Variants in MYBPC1 observed in about 807,000 individuals in gnomAD.
MYBPC1 encodes myosin binding protein C1.
MYBPC1 carries 52 observed loss-of-function variants against 147.1 expected under a neutral mutation model. That is an observed-to-expected ratio of 0.35 (90% CI 0.28 to 0.45). The LOEUF is 0.45. Ranked by LOEUF, MYBPC1 falls within the 20% of genes least tolerant of loss-of-function variation. MYBPC1 has a pLI of 1.00. For missense variants in MYBPC1, 1,228 were observed against 1,440.3 expected, an observed-to-expected ratio of 0.85 and a Z score of 2.39; for synonymous variants, 477 against 475.9, an observed-to-expected ratio of 1.00 and a Z score of -0.03.
At position 101,614,498 on chromosome 12, in the gene MYBPC1, A is replaced by G. The variant is rs547336995; in HGVS notation, c.28A>G (p.Asn10Asp). The G allele has an allele frequency of 6.2e-7, 1 of 1,613,854 alleles. No homozygotes were observed. Among genetic ancestry groups the G allele is most frequent in the Non-Finnish European group, 8.5e-7 (1 of 1,179,948 alleles). ...TCCATGACTCTTTCCATTTCTAGAA[A>G]ATGAAGTGCCAGCCCCAGCCCCACC... MPEPTKKEE[N>D]EVPAPAPPPE... The change falls in exon 2 of 32, where the codon AAT becomes GAT. Residue 10 changes from asparagine (N) to aspartate (D), a missense_variant and splice_region_variant. Around this residue, in one of 2 missense-constraint regions of MYBPC1, gnomAD observed 151 missense variants for 126.1 expected, o/e 1.20. Coordinates refer to ENST00000361466, the MANE Select transcript of MYBPC1 (RefSeq NM_002465.4).
chr12:101,657,939 G>T (rs573583253), intron 18 of MYBPC1, among the ~76,000 whole-genome samples: 1 of 151,938 alleles, frequency 6.6e-6, no homozygotes, highest in African/African-American at 2.4e-5. Context: ...GACCATCCTG[G>T]CTAATACGGT....
intron 1 of MYBPC1, among the ~76,000 whole-genome samples, chr12:101,607,660 T>C (rs765987669): frequency 6.6e-6 from 1 of 152,218 alleles, no homozygotes; most frequent in Non-Finnish European, 1.5e-5. Flanking sequence ...TCATATGATA[T>C]AATTTTGCTC....
intron 10 of MYBPC1, chr12:101,636,967 AT>A (rs952333274): frequency 2.8e-3 from 720 of 261,520 alleles, no homozygotes; most frequent in East Asian, 3.6e-3. Flanking sequence ...CTCTTCACCT[AT>A]TTTTTTTTAA....
chr12:101,649,343 T>G lies in MYBPC1; in HGVS notation c.1280T>G (p.Ile427Arg). 1 of 1,613,954 alleles carries G rather than the reference T, an allele frequency of 6.2e-7. No individual in the cohort carries two copies. The highest frequency in any genetic ancestry group is 8.5e-7 in the Non-Finnish European group (1 of 1,179,868). The change falls in exon 15 of 32, where the codon ATA becomes AGA. Residue 427 changes from isoleucine to arginine, a missense_variant. Transcript: ENST00000361466. ...GAGGGTAAAAAACACATCTTGATCA[T>G]AGAGGGAGCAACAAAGGCTGATGCT... is the stretch of plus-strand genomic sequence containing the variant. ...RVEGKKHILI[I>R]EGATKADAAE...
intron 12 of MYBPC1, among the ~76,000 whole-genome samples, chr12:101,645,766 T>C (rs1252570160): frequency 1.3e-5 from 2 of 152,260 alleles, no homozygotes; most frequent in Admixed American, 6.5e-5. Flanking sequence ...AATCCCATCA[T>C]GTGCTCCTCC....
chr12:101,659,914 T>A, intron 19 of MYBPC1, 83 bp downstream of exon 19: 1 of 1,495,078 alleles, frequency 6.7e-7, no homozygotes, highest in South Asian at 1.2e-5. Context: ...TGTCCTTTCC[T>A]TCCATTTCCT....
intron 3 of MYBPC1, among the ~76,000 whole-genome samples, chr12:101,620,839 C>T (rs980303092): frequency 6.6e-6 from 1 of 152,128 alleles, no homozygotes; most frequent in Admixed American, 6.6e-5. Flanking sequence ...GGTAAAGTTA[C>T]TTCCTTTTTT....
intron 19 of MYBPC1, chr12:101,660,254 T>C (rs1181539240): frequency 3.7e-6 from 1 of 270,024 alleles, no homozygotes; most frequent in Non-Finnish European, 7.2e-6. Context: ...TCTCCTTAAA[T>C]GACATATTTC....
intron 3 of MYBPC1, among the ~76,000 whole-genome samples, chr12:101,623,913 G>A (rs770987330): frequency 6.6e-6 from 1 of 151,828 alleles, no homozygotes; most frequent in Non-Finnish European, 1.5e-5. Flanking sequence ...TACCTATACC[G>A]GGCAAATGCA....
In MYBPC1 at chr12:101,678,189, T is replaced by C; in HGVS notation, c.3197T>C (p.Ile1066Thr). The stretch of plus-strand genomic sequence containing the variant: ...CAGCCTTTGGTTAACACCTATGCCA[T>C]AGCTGGTTACAATGCCACCCTAAAC... ...FTQPLVNTYA[I>T]AGYNATLNCS... The change falls in exon 28 of 32, where the codon ATA becomes ACA. Residue 1066 changes from isoleucine to threonine, a missense_variant. Transcript: ENST00000361466. 6.2e-7 allele frequency: 1 copy of C among 1,614,168 alleles called. No homozygotes were observed. The highest frequency in any genetic ancestry group is 1.1e-5 in the South Asian group (1 of 91,086).
intron 3 of MYBPC1, among the ~76,000 whole-genome samples, chr12:101,624,446 C>T (rs1339573790): frequency 1.3e-5 from 2 of 152,108 alleles, no homozygotes; most frequent in East Asian, 3.9e-4. Flanking sequence ...CTTGTACAGT[C>T]ATATACATTT....
the MYBPC1 span, among the ~76,000 whole-genome samples, chr12:101,691,499 G>A: frequency 1.4e-3 from 209 of 152,322 alleles, no homozygotes; most frequent in African/African-American, 3.7e-3. Context: ...TTAATATTTT[G>A]TGGAAGGTTG....
intron 18 of MYBPC1, among the ~76,000 whole-genome samples, chr12:101,654,760 T>C (rs1393528253): frequency 1.3e-5 from 2 of 152,122 alleles, no homozygotes; most frequent in Non-Finnish European, 2.9e-5. Context: ...TAGTGCCTGT[T>C]CCCCCTAGCT....
intron 24 of MYBPC1, among the ~76,000 whole-genome samples, chr12:101,671,023 C>T (rs1898551871): frequency 6.6e-6 from 1 of 150,596 alleles, no homozygotes. Flanking sequence ...CCCTTACTCT[C>T]CAACTCCCTA....
Position 101,670,706 on chromosome 12 carries a change from G to A in MYBPC1, c.2613+297G>A, listed in dbSNP as rs181280188. On this transcript the variant is annotated intron_variant, in intron 24 of 31. Transcript: ENST00000361466. ...AAGAAACATCAAGGAGATACCAAAT[G>A]AAGAAATGCTTGAAGACTCTTTTGG... Among the ~76,000 whole-genome samples, 33 of 152,280 alleles carry A rather than the reference G, an allele frequency of 2.2e-4. No homozygotes were observed. The East Asian group carries it at 3.9e-3, about 18-fold the overall frequency.
chr12:101,646,306 G>A (rs951082140), intron 12 of MYBPC1, among the ~76,000 whole-genome samples: 1 of 145,760 alleles, frequency 6.9e-6, no homozygotes, highest in African/African-American at 2.5e-5. Flanking sequence ...TTTTTTTTTT[G>A]GTTTGACGTT....
chr12:101,666,570 G>T, intron 22 of MYBPC1: 2 of 636,322 alleles, frequency 3.1e-6, no homozygotes, highest in Non-Finnish European at 5.7e-6. Flanking sequence ...AGCAGGCTGT[G>T]CTCTCCTGAG....
At chr12:101,612,154 C>A (rs544059845) in intron 1 of MYBPC1, among the ~76,000 whole-genome samples, 1 of 151,832 alleles carries the variant, frequency 6.6e-6, no homozygotes, top group African/African-American at 2.4e-5. Context: ...ATAAAGATTG[C>A]CAAATGATAG....
intron 28 of MYBPC1, among the ~76,000 whole-genome samples, chr12:101,679,110 C>T (rs546597274): frequency 6.7e-6 from 1 of 148,386 alleles, no homozygotes; most frequent in African/African-American, 2.5e-5. Context: ...GATAGCACCA[C>T]TGCACTCTAG....
Sources: allele counts gnomAD v4.1 joint callset (sites outside exome capture counted in the v4.1 genomes callset), GRCh38; gene constraint gnomAD v4.1.1; regional missense constraint gnomAD v4.1.1; transcripts MANE v1.5; gene names NCBI Gene and HGNC (gene_info 2026-07-23, HGNC 2026-07-21).